The following RCSD1 variants were observed in gnomAD, a reference collection of about 807,000 sequenced individuals.
The protein encoded by RCSD1 is RCSD domain containing 1.
RCSD1 carries 26 observed loss-of-function variants against 42.5 expected under a neutral mutation model. That is an observed-to-expected ratio of 0.61 (90% CI 0.45 to 0.85). The LOEUF (loss-of-function observed/expected upper bound fraction) is 0.85, where lower values mean the gene tolerates loss of function less well. Among genes scored for constraint, RCSD1 ranks in the 40% least tolerant of loss-of-function variants. The pLI is 0.00. For synonymous variants in RCSD1, 220 were observed against 212.2 expected (o/e 1.04, Z -0.32); for missense variants, 571 against 528.3 (o/e 1.08, Z -0.79).
At chr1:167,640,260 C>A (rs1657973818) in intron 1 of RCSD1, among the ~76,000 whole-genome samples, 2 of 152,130 alleles carry the variant, frequency 1.3e-5, no homozygotes, top group Admixed American at 1.3e-4. Flanking sequence ...AGAGTGTCAG[C>A]AGGACCTCAT....
intron 4 of RCSD1, among the ~76,000 whole-genome samples, chr1:167,691,723 G>T (rs962145404): frequency 6.6e-6 from 1 of 152,218 alleles, no homozygotes; most frequent in South Asian, 2.1e-4. Context: ...AGCATCTCTG[G>T]TTTCTGGCCA....
At chr1:167,703,217 C>T (rs1386229282) in intron 6 of RCSD1, among the ~76,000 whole-genome samples, 2 of 152,172 alleles carry the variant, frequency 1.3e-5, no homozygotes, top group African/African-American at 4.8e-5. Flanking sequence ...CCTGCATTCC[C>T]ACCTCAATCA....
chr1:167,689,293 C>T (rs1659314719), intron 3 of RCSD1, among the ~76,000 whole-genome samples: 1 of 152,034 alleles, frequency 6.6e-6, no homozygotes, highest in Non-Finnish European at 1.5e-5. Flanking sequence ...ACCAACCTGG[C>T]CAACATGGTG....
intron 1 of RCSD1, among the ~76,000 whole-genome samples, chr1:167,643,430 A>T (rs1658056033): frequency 6.6e-6 from 1 of 152,246 alleles, no homozygotes; most frequent in Non-Finnish European, 1.5e-5. Context: ...AAAATACTTT[A>T]CACTTCTACC....
chr1:167,692,226 C>T (rs74120630), intron 4 of RCSD1, among the ~76,000 whole-genome samples: 5,823 of 152,260 alleles, frequency 0.038, 176 homozygotes, highest in African/African-American at 0.078. Flanking sequence ...AGAAATGCGT[C>T]GCCAGCTAGA....
chr1:167,684,837 G>T (rs1203720795), intron 2 of RCSD1, among the ~76,000 whole-genome samples: 1 of 152,136 alleles, frequency 6.6e-6, no homozygotes, highest in African/African-American at 2.4e-5. Context: ...TGGTAACATT[G>T]CACTCCAGCC....
chr1:167,699,088 G>A (rs765779501), intron 6 of RCSD1, among the ~76,000 whole-genome samples: 7 of 151,950 alleles, frequency 4.6e-5, no homozygotes, highest in Non-Finnish European at 1.0e-4. Flanking sequence ...GTGAGCCACC[G>A]CGCCCGGCCT....
chr1:167,678,889 C>G (rs1016899872), intron 1 of RCSD1, among the ~76,000 whole-genome samples: 3 of 152,232 alleles, frequency 2.0e-5, no homozygotes, highest in African/African-American at 7.2e-5. Context: ...TTCCTTTTCT[C>G]TTTTCCCCAA....
chr1:167,690,864 C>G (rs1659359180), intron 4 of RCSD1, among the ~76,000 whole-genome samples: 1 of 152,168 alleles, frequency 6.6e-6, no homozygotes, highest in African/African-American at 2.4e-5. Context: ...GGGAAGTATC[C>G]TGTCCAACCT....
chr1:167,635,305 C>T (rs1657809978), intron 1 of RCSD1, among the ~76,000 whole-genome samples: 1 of 152,094 alleles, frequency 6.6e-6, no homozygotes, highest in Admixed American at 6.5e-5. Flanking sequence ...GCCCAAATAC[C>T]CCACATTCCT....
intron 6 of RCSD1, among the ~76,000 whole-genome samples, chr1:167,703,715 T>C (rs1659693135): frequency 6.6e-6 from 1 of 152,162 alleles, no homozygotes; most frequent in South Asian, 2.1e-4. Context: ...TAACCTTCAC[T>C]GTCTCCATGC....
In RCSD1 at chr1:167,706,640, C is replaced by T. The variant is rs1030241375; in HGVS notation, c.*1944C>T. Among the ~76,000 whole-genome samples, 1 of 152,064 alleles carries T rather than the reference C, an allele frequency of 6.6e-6. No homozygotes were observed. The highest frequency in any genetic ancestry group is 1.5e-5 in the Non-Finnish European group (1 of 68,024). ...CACCATGCTTGTGGGCATCAGAATA[C>T]CTTTCTATCCCCCAAGTCTCCTGTT... On this transcript the variant is annotated 3_prime_UTR_variant, in exon 7 of 7. Transcript: ENST00000367854.
chr1:167,697,408 G>A lies in RCSD1; in HGVS notation c.784G>A (p.Glu262Lys), dbSNP rs757806529. ...GGCCACAGAGGAAGCCAAGAACGGT[G>A]AAAAGGCCAGGCGGAGTTCAGAGGA... The part of the protein sequence containing the change: ...DRATEEAKNG[E>K]KARRSSEEVD... The change falls in exon 6 of 7, where the codon GAA (glutamate) becomes AAA (lysine). Residue 262 changes from glutamate (E) to lysine (K), a missense_variant. Transcript: ENST00000367854. 2.5e-6 allele frequency: 4 copies of A among 1,613,342 alleles called. No individual in the cohort carries two copies. Among genetic ancestry groups the A allele is most frequent in the South Asian group, 1.1e-5 (1 of 90,972 alleles).
intron 1 of RCSD1, among the ~76,000 whole-genome samples, chr1:167,657,356 T>C (rs1658446437): frequency 6.6e-6 from 1 of 152,202 alleles, no homozygotes; most frequent in African/African-American, 2.4e-5. Context: ...TCCTGTGATT[T>C]GGATTTTTAA....
chr1:167,703,526 A>G (rs1417930447), intron 6 of RCSD1, among the ~76,000 whole-genome samples: 2 of 152,122 alleles, frequency 1.3e-5, no homozygotes, highest in African/African-American at 2.4e-5. Context: ...TTCTATCTCT[A>G]CAATCACAAC....
Position 167,630,320 on chromosome 1 carries a change from C to T in RCSD1, c.-104C>T. 1 of 1,239,732 alleles carries T rather than the reference C, an allele frequency of 8.1e-7. No individual in the cohort carries two copies. Among genetic ancestry groups the T allele is most frequent in the Non-Finnish European group, 1.0e-6 (1 of 972,268 alleles). 76.8% of individuals were successfully genotyped at this position (1,239,732 alleles called of 1,614,324 possible). On this transcript the variant is annotated 5_prime_UTR_variant, in exon 1 of 7. Coordinates refer to ENST00000367854, the MANE Select transcript of RCSD1 (RefSeq NM_052862.4). ...CCGCCCACTCGCCCTGTGCCCGCCG[C>T]AGCCCGAAACTGGCCACGGCCGGGA... is the stretch of plus-strand genomic sequence containing the variant.
chr1:167,675,991 C>T (rs1322034018), intron 1 of RCSD1, among the ~76,000 whole-genome samples: 1 of 152,106 alleles, frequency 6.6e-6, no homozygotes, highest in Non-Finnish European at 1.5e-5. Context: ...GCTGCTAGCC[C>T]CATAGCCAAC....
At position 167,685,433 on chromosome 1, in the gene RCSD1, A is replaced by G. The variant is rs35632798; in HGVS notation, c.121A>G (p.Lys41Glu). Reference protein sequence around the residue: ...AAAAKETPASKPTRRKPPCSL... With the variant: ...AAAAKETPASEPTRRKPPCSL... ...GCCCTCCCTCCAGACACCAGCCAGT[A>G]AACCAACCCGAAGGAAACCGCCCTG... The change falls in exon 3 of 7, where the codon AAA becomes GAA. Residue 41 changes from lysine (K) to glutamate (E), a missense_variant. Physicochemically the swap from Lys to Glu is moderately conservative, Grantham distance 56. Coordinates refer to ENST00000367854, the MANE Select transcript of RCSD1 (RefSeq NM_052862.4). 2.0e-3 allele frequency: 3,271 copies of G among 1,613,560 alleles called. 7 individuals carry two copies. The highest frequency in any genetic ancestry group is 8.4e-3 in the Middle Eastern group (51 of 6,062).
rs1213265661 is a variant in RCSD1, at chr1:167,706,290, GTCTA to G, written c.*1603_*1606del. 5.3e-5 allele frequency: 8 copies of G among 152,196 alleles called. No individual in the cohort carries two copies. Among genetic ancestry groups the G allele is most frequent in the African/African-American group, 1.9e-4 (8 of 41,452 alleles). The allele number at this position is 152,196 out of a possible 1,614,324, so 9.4% of individuals were successfully genotyped here. On this transcript the variant is annotated 3_prime_UTR_variant, in exon 7 of 7. Coordinates refer to ENST00000367854, the MANE Select transcript of RCSD1 (RefSeq NM_052862.4). ...TATTTTGAGATCTATAAACTTGTCTGTCTATCTATCTAGCTGGCTAGCTTGCTAT... is the reference window on the plus strand; with the variant it reads ...TATTTTGAGATCTATAAACTTGTCTGTCTATCTAGCTGGCTAGCTTGCTAT...
Sources: gnomAD v4.1 joint callset for allele counts (sites outside exome capture counted in the v4.1 genomes callset) on GRCh38, gnomAD v4.1.1 for gene constraint, MANE v1.5 for transcripts, NCBI Gene and HGNC (gene_info 2026-07-23, HGNC 2026-07-21) for gene names.